Variants in INHBA observed in about 807,000 individuals in gnomAD.
The protein encoded by INHBA is inhibin subunit beta A, also known as inhibin beta A chain.
INHBA carries 1 observed loss-of-function variant against 29.0 expected under a neutral mutation model. That is an observed-to-expected ratio of 0.03 (90% CI 0.01 to 0.16). INHBA has a LOEUF of 0.16. Ranked by LOEUF, INHBA falls within the 10% of genes least tolerant of loss-of-function variation. The pLI is 1.00. For synonymous variants in INHBA, 242 were observed against 216.8 expected, an observed-to-expected ratio of 1.12 and a Z score of -1.02; for missense variants, 376 against 545.4, an observed-to-expected ratio of 0.69 and a Z score of 3.09.
rs1350905493 is a variant in INHBA, at chr7:41,689,668, C to T, written c.1263G>A (p.Glu421=). 2.8e-5 allele frequency: 44 copies of T among 1,585,948 alleles called. No individual in the cohort carries two copies. Among genetic ancestry groups the T allele is most frequent in the Non-Finnish European group, 3.8e-5 (44 of 1,165,606 alleles). Reference sequence around the variant, plus strand: ...GGCAACTCTATGAGCACCCACACTCCTCCACGATCATGTTCTGAATGTCCT... The same window carrying T: ...GGCAACTCTATGAGCACCCACACTCTTCCACGATCATGTTCTGAATGTCCT... ...IKKDIQNMIV[E]ECGCS Residue 421 remains glutamate (E), a synonymous_variant, in exon 3 of 3, where the codon GAG becomes GAA. Transcript: ENST00000242208.
chr7:41,696,478 A>G (rs1012079973), intron 2 of INHBA, among the ~76,000 whole-genome samples: 1 of 152,288 alleles, frequency 6.6e-6, no homozygotes, highest in Admixed American at 6.5e-5. Context: ...ATAAATTCCT[A>G]ACTTTTTCTG....
upstream of INHBA, among the ~76,000 whole-genome samples, chr7:41,704,175 G>A (rs779829711): frequency 2.0e-4 from 30 of 152,200 alleles, no homozygotes; most frequent in Non-Finnish European, 3.4e-4. Context: ...GTGCCCACAA[G>A]CAAAATATAG....
At position 41,689,213 on chromosome 7, in the gene INHBA, G is replaced by C. The variant is rs139923980; in HGVS notation, c.*437C>G. 0.011 allele frequency: 2,601 copies of C among 236,974 alleles called. 87 individuals are homozygous for C. The highest frequency in any genetic ancestry group is 0.011 in the Non-Finnish European group (1,326 of 120,708). The allele number at this position is 236,974 out of a possible 1,614,324, so 14.7% of individuals were successfully genotyped here. A position where few individuals can be genotyped will look rare whatever the true frequency, so the allele number is the denominator to read the frequency against. On this transcript the variant is annotated 3_prime_UTR_variant, in exon 3 of 3. Coordinates refer to ENST00000242208, the MANE Select transcript of INHBA (RefSeq NM_002192.4). Reference sequence around the variant, plus strand: ...GGTAATTGGGTAGGAAAGTGCCTGTGATGGGCCCTTTCAAACTCATGGCTT... The same window carrying C: ...GGTAATTGGGTAGGAAAGTGCCTGTCATGGGCCCTTTCAAACTCATGGCTT...
At position 41,690,434 on chromosome 7, in the gene INHBA, C is replaced by T; in HGVS notation, c.497G>A (p.Arg166Lys). The change falls in exon 3 of 3, where the codon AGG (arginine) becomes AAG (lysine). Residue 166 changes from arginine to lysine, a missense_variant. By Grantham distance (26) the Arg-to-Lys change is conservative. Coordinates refer to ENST00000242208, the MANE Select transcript of INHBA (RefSeq NM_002192.4). Reference sequence around the variant, plus strand: ...GCGGATGGTGACTTTGGTCCTGGTCCTGTTGGCCTTGGGGACTTTTAGGAA... The same window carrying T: ...GCGGATGGTGACTTTGGTCCTGGTCTTGTTGGCCTTGGGGACTTTTAGGAA... ...WLFLKVPKAN[R>K]TRTKVTIRLF... The T allele has an allele frequency of 3.7e-6, 6 of 1,614,148 alleles. No homozygotes were observed. Among genetic ancestry groups the T allele is most frequent in the Non-Finnish European group, 5.1e-6 (6 of 1,180,036 alleles).
chr7:41,701,643 C>A (rs1010570234), intron 1 of INHBA, among the ~76,000 whole-genome samples: 2 of 152,172 alleles, frequency 1.3e-5, no homozygotes, highest in Non-Finnish European at 1.5e-5. Flanking sequence ...TTACAGCCTA[C>A]CACCACTCGC....
chr7:41,697,190 T>G (rs1360753180), intron 2 of INHBA, among the ~76,000 whole-genome samples: 1 of 152,212 alleles, frequency 6.6e-6, no homozygotes, highest in Non-Finnish European at 1.5e-5. Flanking sequence ...TGAAGAACTC[T>G]GTAGGCCTTA....
At chr7:41,695,572 G>A (rs962897902) in intron 2 of INHBA, among the ~76,000 whole-genome samples, 13 of 152,120 alleles carry the variant, frequency 8.5e-5, no homozygotes, top group African/African-American at 3.1e-4. Context: ...AAATTATCTT[G>A]ATTAATTTTT....
At chr7:41,692,998 G>A (rs975878817) in intron 2 of INHBA, among the ~76,000 whole-genome samples, 1 of 152,194 alleles carries the variant, frequency 6.6e-6, no homozygotes, top group Non-Finnish European at 1.5e-5. Context: ...CCTGGAGGGT[G>A]TGCAGGTTTC....
At position 41,687,659 on chromosome 7, in the gene INHBA, TC is replaced by T. The variant is rs1169292324; in HGVS notation, c.*1990del. 2.0e-5 allele frequency: 3 copies of T among 152,212 alleles called. No homozygotes were observed. Among genetic ancestry groups the T allele is most frequent in the Non-Finnish European group, 2.9e-5 (2 of 68,024 alleles). 9.4% of individuals were successfully genotyped at this position (152,212 alleles called of 1,614,324 possible). A position where few individuals can be genotyped will look rare whatever the true frequency, so the allele number is the denominator to read the frequency against. On this transcript the variant is annotated 3_prime_UTR_variant, in exon 3 of 3. Transcript: ENST00000242208. ...TTTTACTACTGCCCTCACCTCTGCC[TC>T]CTCTTAACTGTTCTCTTCCTTACTC... is the stretch of plus-strand genomic sequence containing the variant.
chr7:41,690,363 C>T lies in INHBA; in HGVS notation c.568G>A (p.Glu190Lys), dbSNP rs867739441. 6.2e-7 allele frequency: 1 copy of T among 1,614,098 alleles called. No homozygotes were observed. Among genetic ancestry groups the T allele is most frequent in the Non-Finnish European group, 8.5e-7 (1 of 1,180,028 alleles). Reference protein sequence around the residue: ...KHPQGSLDTGEEAEEVGLKGE... With the variant: ...KHPQGSLDTGKEAEEVGLKGE... ...TTTAAGCCCACTTCCTCGGCCTCTTCCCCTGTGTCCAAGCTGCCCTGCGGG... is the reference window on the plus strand; with the variant it reads ...TTTAAGCCCACTTCCTCGGCCTCTTTCCCTGTGTCCAAGCTGCCCTGCGGG... The change falls in exon 3 of 3, where the codon GAA becomes AAA. Residue 190 changes from glutamate (E) to lysine (K), a missense_variant. Glu to Lys is a moderately conservative substitution (Grantham distance 56, BLOSUM62 1). This residue lies in a region of INHBA where 253 missense variants were observed against 313.4 expected (regional missense o/e 0.81). Coordinates refer to ENST00000242208, the MANE Select transcript of INHBA (RefSeq NM_002192.4).
Position 41,694,333 on chromosome 7 carries a change from A to T in INHBA, c.389-3791T>A, listed in dbSNP as rs528018247. Among the ~76,000 whole-genome samples, 6 of 152,322 alleles carry T rather than the reference A, an allele frequency of 3.9e-5. No individual in the cohort carries two copies. In the East Asian group the frequency reaches 1.2e-3, roughly 29 times the overall value. ...CCTTTATCTCTATATTACCTGAGAG[A>T]GATTGCTATACTGCAGTGACACTTT... On this transcript the variant is annotated intron_variant, in intron 2 of 2. Coordinates refer to ENST00000242208, the MANE Select transcript of INHBA (RefSeq NM_002192.4).
chr7:41,686,522 T>A lies in INHBA; in HGVS notation c.*3128A>T, dbSNP rs902157530. On this transcript the variant is annotated 3_prime_UTR_variant, in exon 3 of 3. Transcript: ENST00000242208. The stretch of plus-strand genomic sequence containing the variant: ...TTCACAGGACTTGTATTTTCCAAGA[T>A]GATTAAAGATGGTAAAATACTATCT... 3.9e-5 allele frequency: 6 copies of A among 152,172 alleles called. No homozygotes were observed. Among genetic ancestry groups the A allele is most frequent in the Non-Finnish European group, 8.8e-5 (6 of 68,012 alleles). 9.4% of individuals were successfully genotyped at this position (152,172 alleles called of 1,614,324 possible). A position where few individuals can be genotyped will look rare whatever the true frequency, so the allele number is the denominator to read the frequency against.
intron 2 of INHBA, chr7:41,692,447 T>C (rs1794544816): frequency 6.6e-6 from 1 of 152,222 alleles, no homozygotes; most frequent in African/African-American, 2.4e-5. Context: ...TTTCTGTGCA[T>C]TGCGTACTGT....
chr7:41,696,961 G>C (rs368232451), intron 2 of INHBA, among the ~76,000 whole-genome samples: 1 of 152,110 alleles, frequency 6.6e-6, no homozygotes, highest in African/African-American at 2.4e-5. Flanking sequence ...TCTACAACAA[G>C]TGCTATCAAT....
At chr7:41,703,117 G>T (rs1794830004), upstream of INHBA, 1 of 152,148 alleles carries the variant, frequency 6.6e-6, no homozygotes, top group Non-Finnish European at 1.5e-5. Context: ...CTACTTATTT[G>T]TACACCACAC....
chr7:41,685,797 T>C lies in INHBA; in HGVS notation c.*3853A>G, dbSNP rs948077079. ...CTAAGCATTCATTTTCTCTGACCCA[T>C]ACAACAGCTTCTCAGTGATACAGGG... On this transcript the variant is annotated 3_prime_UTR_variant, in exon 3 of 3. Coordinates refer to ENST00000242208, the MANE Select transcript of INHBA (RefSeq NM_002192.4). 1 of 152,128 alleles carries C rather than the reference T, an allele frequency of 6.6e-6. No individual in the cohort carries two copies. Among genetic ancestry groups the C allele is most frequent in the Non-Finnish European group, 1.5e-5 (1 of 67,998 alleles). The allele number at this position is 152,128 out of a possible 1,614,324, so 9.4% of individuals were successfully genotyped here. A position where few individuals can be genotyped will look rare whatever the true frequency, so the allele number is the denominator to read the frequency against.
At position 41,686,357 on chromosome 7, in the gene INHBA, T is replaced by C. The variant is rs1794392475; in HGVS notation, c.*3293A>G. 6.6e-6 allele frequency: 1 copy of C among 152,162 alleles called. No individual in the cohort carries two copies. The highest frequency in any genetic ancestry group is 1.5e-5 in the Non-Finnish European group (1 of 68,010). 9.4% of individuals were successfully genotyped at this position (152,162 alleles called of 1,614,324 possible). A position where few individuals can be genotyped will look rare whatever the true frequency, so the allele number is the denominator to read the frequency against. The stretch of plus-strand genomic sequence containing the variant: ...AGATTTTTAAGAGCCTAGAGTTTAG[T>C]CTTAGAGAAAGAGTGAGGAGATAGT... On this transcript the variant is annotated 3_prime_UTR_variant, in exon 3 of 3. Coordinates refer to ENST00000242208, the MANE Select transcript of INHBA (RefSeq NM_002192.4).
intron 2 of INHBA, among the ~76,000 whole-genome samples, chr7:41,694,800 A>C (rs1794605917): frequency 6.6e-6 from 1 of 152,084 alleles, no homozygotes; most frequent in Admixed American, 6.5e-5. Context: ...CACATACCAA[A>C]GAGAGAGAAA....
Position 41,689,393 on chromosome 7 carries a change from A to C in INHBA, c.*257T>G. 3 of 448,036 alleles carry C rather than the reference A, an allele frequency of 6.7e-6. No individual in the cohort carries two copies. Among genetic ancestry groups the C allele is most frequent in the East Asian group, 7.5e-5 (2 of 26,698 alleles). 27.8% of individuals were successfully genotyped at this position (448,036 alleles called of 1,614,324 possible). On this transcript the variant is annotated 3_prime_UTR_variant, in exon 3 of 3. Coordinates refer to ENST00000242208, the MANE Select transcript of INHBA (RefSeq NM_002192.4). ...TTTCAGAAGAAATAAAGGGTACACC[A>C]TTCTCCCTTTCCCTCCCAATTCCTG...
Sources: allele counts gnomAD v4.1 joint callset (sites outside exome capture counted in the v4.1 genomes callset), GRCh38; gene constraint gnomAD v4.1.1; regional missense constraint gnomAD v4.1.1; transcripts MANE v1.5; gene names NCBI Gene and HGNC (gene_info 2026-07-23, HGNC 2026-07-21).